MSI2: variants seen among roughly 807,000 people sequenced by gnomAD.
The protein encoded by MSI2 is RNA-binding protein Musashi homolog 2.
A neutral mutation model predicts 45.6 loss-of-function variants in MSI2; 17 were observed. The ratio of observed to expected loss-of-function variants is 0.37; its 90% CI spans 0.26 to 0.56. The LOEUF is 0.56. MSI2 is among the 20% of genes least tolerant of loss of function. The pLI, the probability that MSI2 is intolerant of heterozygous loss-of-function variation, is 0.77. For missense variants in MSI2, 293 were observed against 444.2 expected (o/e 0.66, Z 3.06); for synonymous variants, 156 against 158.2 (o/e 0.99, Z 0.11).
chr17:57,344,660 A>T (rs1175022130), intron 5 of MSI2, among the ~76,000 whole-genome samples: 1 of 152,240 alleles, frequency 6.6e-6, no homozygotes, highest in Non-Finnish European at 1.5e-5. Context: ...ATATACACAC[A>T]GATACATGGG....
intron 7 of MSI2, among the ~76,000 whole-genome samples, chr17:57,578,146 G>A (rs561392822): frequency 1.9e-3 from 289 of 152,318 alleles, no homozygotes; most frequent in African/African-American, 6.5e-3. Context: ...GCAGGGGGAA[G>A]ACAAATATCT....
intron 7 of MSI2, among the ~76,000 whole-genome samples, chr17:57,595,188 G>A (rs147248938): frequency 2.8e-4 from 42 of 152,246 alleles, no homozygotes; most frequent in Middle Eastern, 6.8e-3. Context: ...TTCCCTCTCC[G>A]TCTTGTGTTG....
chr17:57,589,289 C>T (rs1391694913), intron 7 of MSI2, among the ~76,000 whole-genome samples: 1 of 152,234 alleles, frequency 6.6e-6, no homozygotes, highest in African/African-American at 2.4e-5. Context: ...TAATCAGAAA[C>T]ATGCTGCTGC....
chr17:57,521,104 G>T (rs1438749157), intron 6 of MSI2, among the ~76,000 whole-genome samples: 1 of 152,220 alleles, frequency 6.6e-6, no homozygotes, highest in Non-Finnish European at 1.5e-5. Flanking sequence ...GTGCCTGGCA[G>T]CAGCAGCTGG....
intron 6 of MSI2, among the ~76,000 whole-genome samples, chr17:57,523,112 A>G (rs573306560): frequency 4.8e-4 from 73 of 151,302 alleles, no homozygotes; most frequent in African/African-American, 1.6e-3. Context: ...CAATGGCGTA[A>G]TCTCAGCTCA....
At chr17:57,444,350 C>G (rs570377024) in intron 6 of MSI2, 1 of 152,066 alleles carries the variant, frequency 6.6e-6, no homozygotes, top group Non-Finnish European at 1.5e-5. Context: ...TTTGGGAGGC[C>G]GAGGCAGGTG....
At position 57,576,800 on chromosome 17, in the gene MSI2, G is replaced by GA. The variant is rs113470711; in HGVS notation, c.455-20057dup. Among the ~76,000 whole-genome samples the GA allele has an allele frequency of 7.1e-4, 96 of 135,610 alleles. 1 individual carries two copies. Among genetic ancestry groups the GA allele is most frequent in the Middle Eastern group, 3.7e-3 (1 of 270 alleles). The allele number at this position is 135,610 out of a possible 152,430, so 89.0% of individuals were successfully genotyped here. On this transcript the variant is annotated intron_variant, in intron 7 of 13. Transcript: ENST00000284073. ...ACTATAATCGATGTCTAATTTTAAA[G>GA]AAAAAAAAAAAGGAAGGTTGGGCAG...
chr17:57,495,308 G>A (rs1037411772), intron 6 of MSI2, among the ~76,000 whole-genome samples: 11 of 152,118 alleles, frequency 7.2e-5, no homozygotes, highest in African/African-American at 2.2e-4. Context: ...CGAGGCAGGC[G>A]GATCACCTGA....
At chr17:57,341,221 C>G (rs951932844) in intron 5 of MSI2, among the ~76,000 whole-genome samples, 1 of 152,142 alleles carries the variant, frequency 6.6e-6, no homozygotes, top group Admixed American at 6.5e-5. Context: ...CAGTGTGGCC[C>G]CAGCATCACC....
At chr17:57,533,199 C>T (rs538667396) in intron 7 of MSI2, among the ~76,000 whole-genome samples, 7 of 152,090 alleles carry the variant, frequency 4.6e-5, no homozygotes, top group Admixed American at 6.5e-5. Context: ...GCTTGTATCT[C>T]CCATCCACAG....
intron 5 of MSI2, among the ~76,000 whole-genome samples, chr17:57,311,025 C>T (rs1912356891): frequency 6.6e-6 from 1 of 152,226 alleles, no homozygotes; most frequent in African/African-American, 2.4e-5. Context: ...TTGTGAGGAT[C>T]TGATGGGTTT....
At chr17:57,437,633 AG>A (rs2143436040) in intron 6 of MSI2, among the ~76,000 whole-genome samples, 1 of 152,236 alleles carries the variant, frequency 6.6e-6, no homozygotes, top group South Asian at 2.1e-4. Context: ...CGTATGGGAC[AG>A]GGATGCATTT....
intron 5 of MSI2, among the ~76,000 whole-genome samples, chr17:57,284,677 G>C (rs567255456): frequency 1.0e-3 from 155 of 152,338 alleles, no homozygotes; most frequent in Non-Finnish European, 1.7e-3. Flanking sequence ...TTTCTAAGTT[G>C]ATGGGACTCT....
intron 6 of MSI2, among the ~76,000 whole-genome samples, chr17:57,513,719 C>T (rs2086408096): frequency 6.6e-6 from 1 of 152,208 alleles, no homozygotes; most frequent in South Asian, 2.1e-4. Flanking sequence ...GCTCTCAAAC[C>T]CTCTGGCCAG....
intron 11 of MSI2, among the ~76,000 whole-genome samples, chr17:57,654,972 G>A (rs957385979): frequency 6.8e-6 from 1 of 146,732 alleles, no homozygotes; most frequent in African/African-American, 2.5e-5. Context: ...CCTGAAGTGA[G>A]AAGCACTTGC....
At chr17:57,662,740 C>T (rs1221654172) in intron 11 of MSI2, among the ~76,000 whole-genome samples, 3 of 152,202 alleles carry the variant, frequency 2.0e-5, no homozygotes, top group Non-Finnish European at 4.4e-5. Flanking sequence ...GAGATAACCC[C>T]AAATCATTTA....
Position 57,425,840 on chromosome 17 carries a change from G to T in MSI2, c.405+24369G>T, listed in dbSNP as rs139350277. On this transcript the variant is annotated intron_variant, in intron 6 of 13. Transcript: ENST00000284073. ...ATTTATTGCCAAACTGCCCCACAGG[G>T]AGGTTGTACTAATTTACATTTCTAC... Among the ~76,000 whole-genome samples the T allele has an allele frequency of 2.3e-3, 349 of 152,324 alleles. 3 individuals are homozygous for T. Among genetic ancestry groups the T allele is most frequent in the African/African-American group, 8.2e-3 (341 of 41,560 alleles).
At chr17:57,580,209 C>T (rs1183904342) in intron 7 of MSI2, among the ~76,000 whole-genome samples, 11 of 152,174 alleles carry the variant, frequency 7.2e-5, no homozygotes, top group South Asian at 4.1e-4. Flanking sequence ...AGGGTGAACC[C>T]ATTTATCATC....
chr17:57,497,383 G>A (rs554578470), intron 6 of MSI2, among the ~76,000 whole-genome samples: 3 of 152,330 alleles, frequency 2.0e-5, no homozygotes, highest in African/African-American at 4.8e-5. Context: ...CGTATAAAGC[G>A]AGGAAAGGGA....
Sources: gnomAD v4.1 joint callset for allele counts (sites outside exome capture counted in the v4.1 genomes callset) on GRCh38, gnomAD v4.1.1 for gene constraint, MANE v1.5 for transcripts, NCBI Gene and HGNC (gene_info 2026-07-23, HGNC 2026-07-21) for gene names.